Variants in TCTN2 observed in about 807,000 individuals in gnomAD.
TCTN2 encodes the protein tectonic family member 2, also known as tectonic-2.
A neutral mutation model predicts 83.4 loss-of-function variants in TCTN2; 66 were observed. The observed-to-expected ratio is 0.79, with a 90% CI of 0.65 to 0.97. The LOEUF (loss-of-function observed/expected upper bound fraction) is 0.97, where lower values mean the gene tolerates loss of function less well. Among genes scored for constraint, TCTN2 ranks in the 50% least tolerant of loss-of-function variants. TCTN2 has a pLI of 0.00. For missense variants in TCTN2, 794 were observed against 858.1 expected (o/e 0.93, Z 0.93); for synonymous variants, 301 against 326.7 (o/e 0.92, Z 0.85).
intron 8 of TCTN2, 152 bp downstream of exon 8, chr12:123,690,826 C>A: frequency 1.2e-6 from 1 of 844,638 alleles, no homozygotes; most frequent in South Asian, 1.6e-5. Flanking sequence ...TTCCGTAAGA[C>A]AGCATATTGC....
intron 8 of TCTN2, among the ~76,000 whole-genome samples, chr12:123,691,521 A>G (rs1956040675): frequency 6.6e-6 from 1 of 152,248 alleles, no homozygotes; most frequent in Non-Finnish European, 1.5e-5. Flanking sequence ...TTGCATGGAC[A>G]GAGCACATTG....
chr12:123,686,692 G>A, intron 5 of TCTN2, 144 bp from the exon 6 acceptor site: 1 of 772,876 alleles, frequency 1.3e-6, no homozygotes, highest in Non-Finnish European at 2.2e-6. Flanking sequence ...TGGGCACAAG[G>A]CACTTTTAGA....
intron 9 of TCTN2, among the ~76,000 whole-genome samples, chr12:123,693,594 A>G (rs1425142510): frequency 6.6e-6 from 1 of 150,898 alleles, no homozygotes; most frequent in African/African-American, 2.4e-5. Flanking sequence ...CTGGGATTAC[A>G]GGTGTTCACC....
chr12:123,677,892 A>G (rs759964271), intron 4 of TCTN2, among the ~76,000 whole-genome samples: 1 of 152,082 alleles, frequency 6.6e-6, no homozygotes, highest in Non-Finnish European at 1.5e-5. Context: ...GGCCTCCCAA[A>G]GTGCTGGGAT....
chr12:123,699,817 C>G lies in TCTN2; in HGVS notation c.1612+7C>G, dbSNP rs2135853042. 6.2e-7 allele frequency: 1 copy of G among 1,611,174 alleles called. No homozygotes were observed. The highest frequency in any genetic ancestry group is 8.5e-7 in the Non-Finnish European group (1 of 1,177,408). On this transcript the variant is annotated splice_region_variant and intron_variant, in intron 14 of 17. Transcript: ENST00000303372. ...GGCTGGCTCGAAATAATACGTAAGT[C>G]AAACCCGGGTACAATAAAGCCTGTA...
At position 123,671,696 on chromosome 12, in the gene TCTN2, T is replaced by G. The variant is rs549503021; in HGVS notation, c.190+82T>G. 46 of 1,257,350 alleles carry G rather than the reference T, an allele frequency of 3.7e-5. 1 individual carries two copies. The South Asian group carries it at 5.2e-4, about 14-fold the overall frequency. The allele number at this position is 1,257,350 out of a possible 1,614,324, so 77.9% of individuals were successfully genotyped here. A position where few individuals can be genotyped will look rare whatever the true frequency, so the allele number is the denominator to read the frequency against. On this transcript the variant is annotated intron_variant, in intron 2 of 17. Transcript: ENST00000303372. Reference sequence around the variant, plus strand: ...AAGGAGCCTGGAGAGGTGGCATCCTTGGGGCCCCCTGCCTCTGTTCTCTGC... The same window carrying G: ...AAGGAGCCTGGAGAGGTGGCATCCTGGGGGCCCCCTGCCTCTGTTCTCTGC...
chr12:123,682,455 G>A (rs906072647), intron 5 of TCTN2, among the ~76,000 whole-genome samples: 6 of 129,678 alleles, frequency 4.6e-5, no homozygotes, highest in African/African-American at 1.8e-4. Context: ...CTGGATTCTA[G>A]TTTCTTTTTT....
chr12:123,695,193 T>C (rs1187062180), intron 10 of TCTN2, 27 bp from the exon 11 acceptor site: 2 of 1,479,718 alleles, frequency 1.4e-6, no homozygotes, highest in Non-Finnish European at 1.9e-6. Flanking sequence ...ATGGTGCACA[T>C]TATATTTTAT....
rs2135836356 is a variant in TCTN2 at position 123,688,147 on chromosome 12, T to C, written c.861T>C (p.Thr287=). Residue 287 remains threonine, a synonymous_variant, in exon 7 of 18, where the codon ACT becomes ACC. Transcript: ENST00000303372. ...FGYKQGDPIM[T]VKKAYFTIPQ... is the part of the protein sequence containing the mutation. ...ACAAACAAGGAGATCCCATTATGAC[T>C]GTAAAGAAGGCATATTTTACTATTC... The C allele has an allele frequency of 6.2e-7, 1 of 1,613,800 alleles. No individual in the cohort carries two copies. The highest frequency in any genetic ancestry group is 2.2e-5 in the East Asian group (1 of 44,876).
chr12:123,677,860 C>G (rs1432304052), intron 4 of TCTN2, among the ~76,000 whole-genome samples: 1 of 152,136 alleles, frequency 6.6e-6, no homozygotes, highest in Non-Finnish European at 1.5e-5. Context: ...GAACTCCTGA[C>G]CTCAGGTGAT....
rs2135864294 is a variant in TCTN2 at position 123,707,917 on chromosome 12, C to T, written c.*204C>T. The T allele has an allele frequency of 1.8e-6, 1 of 562,660 alleles. No individual in the cohort carries two copies. The highest frequency in any genetic ancestry group is 3.2e-6 in the Non-Finnish European group (1 of 311,766). 34.9% of individuals were successfully genotyped at this position (562,660 alleles called of 1,614,324 possible). A position where few individuals can be genotyped will look rare whatever the true frequency, so the allele number is the denominator to read the frequency against. ...TAGAGACAGGGTTCCACCGTATTGG[C>T]CAGGCTGCTCTCGAACTCCTGACCT... On this transcript the variant is annotated 3_prime_UTR_variant, in exon 18 of 18. Transcript: ENST00000303372.
intron 3 of TCTN2, among the ~76,000 whole-genome samples, chr12:123,673,346 A>G (rs1050591134): frequency 6.6e-6 from 1 of 152,220 alleles, no homozygotes; most frequent in Non-Finnish European, 1.5e-5. Context: ...AAGGTGTACA[A>G]TAAACTGAGT....
intron 14 of TCTN2, among the ~76,000 whole-genome samples, chr12:123,703,050 T>C (rs1272677075): frequency 6.6e-6 from 1 of 152,222 alleles, no homozygotes; most frequent in East Asian, 1.9e-4. Flanking sequence ...TGCAAATTCA[T>C]TTCTCATTCA....
intron 5 of TCTN2, 132 bp from the exon 6 acceptor site, chr12:123,686,704 G>A (rs1955971197): frequency 3.5e-6 from 3 of 866,696 alleles, no homozygotes; most frequent in South Asian, 1.4e-5. Flanking sequence ...ACTTTTAGAT[G>A]AGACACAGAT....
At chr12:123,672,993 T>C (rs886291115) in intron 3 of TCTN2, among the ~76,000 whole-genome samples, 3 of 151,854 alleles carry the variant, frequency 2.0e-5, no homozygotes, top group African/African-American at 7.3e-5. Flanking sequence ...GAGATTGCAG[T>C]GAGCCGAGAT....
Position 123,679,239 on chromosome 12 carries a change from C to G in TCTN2, c.514C>G (p.Pro172Ala). 1.2e-6 allele frequency: 2 copies of G among 1,614,146 alleles called. No homozygotes were observed. The highest frequency in any genetic ancestry group is 1.7e-4 in the Middle Eastern group (1 of 6,060). Residue 172 changes from proline to alanine, a missense_variant, in exon 5 of 18, where the codon CCT becomes GCT. By Grantham distance (27) the Pro-to-Ala change is conservative. Transcript: ENST00000303372. Reference protein sequence around the residue: ...NQVYQPLGPCPCNLTAGACDV... With the variant: ...NQVYQPLGPCACNLTAGACDV... The stretch of plus-strand genomic sequence containing the variant: ...GGTGTATCAGCCCCTTGGCCCTTGT[C>G]CTTGTAATTTAACAGCTGGAGCCTG...
At chr12:123,700,763 A>G (rs1251241096) in intron 14 of TCTN2, among the ~76,000 whole-genome samples, 1 of 152,214 alleles carries the variant, frequency 6.6e-6, no homozygotes, top group Admixed American at 6.5e-5. Context: ...CCTGGGCAAC[A>G]TAGTGAGACC....
chr12:123,674,906 C>G (rs1188894144), intron 4 of TCTN2, among the ~76,000 whole-genome samples: 1 of 152,102 alleles, frequency 6.6e-6, no homozygotes, highest in Non-Finnish European at 1.5e-5. Context: ...CGGTCTCACT[C>G]TGTTACCCAG....
At chr12:123,676,569 A>G (rs1955825197) in intron 4 of TCTN2, among the ~76,000 whole-genome samples, 1 of 141,106 alleles carries the variant, frequency 7.1e-6, no homozygotes, top group Non-Finnish European at 1.5e-5. Flanking sequence ...CTCCATCTAA[A>G]AAAAAAAAAA....
Sources: gnomAD v4.1 joint callset for allele counts (sites outside exome capture counted in the v4.1 genomes callset) on GRCh38, gnomAD v4.1.1 for gene constraint, MANE v1.5 for transcripts, NCBI Gene and HGNC (gene_info 2026-07-23, HGNC 2026-07-21) for gene names.